Variants in PACRG observed in about 807,000 individuals in gnomAD.
PACRG encodes the protein parkin coregulated.
In PACRG, 29 loss-of-function variants were observed where a neutral mutation model predicts 29.7. The observed-to-expected ratio is 0.98, with a 90% CI of 0.73 to 1.33. PACRG has a LOEUF of 1.33. PACRG is among the 40% of genes most tolerant of loss of function. The pLI is 0.00. For synonymous variants in PACRG, 116 were observed against 118.7 expected, an observed-to-expected ratio of 0.98 and a Z score of 0.15; for missense variants, 279 against 316.2, an observed-to-expected ratio of 0.88 and a Z score of 0.89.
chr6:163,282,712 C>CAAA lies in PACRG; in HGVS notation c.614-32101_614-32099dup, dbSNP rs558182240. On this transcript the variant is annotated intron_variant, in intron 4 of 4. Transcript: ENST00000366888. ...GGGCAACAAGAGTGAAACTCCATCT[C>CAAA]AAAAAAAAAAAAAAAAGAAAAGAAA... 3.3e-5 allele frequency among the ~76,000 whole-genome samples: 3 copies of CAAA among 91,302 alleles called. 1 individual carries two copies. The South Asian group carries it at 1.0e-3, about 31-fold the overall frequency. 59.9% of individuals were successfully genotyped at this position (91,302 alleles called of 152,430 possible). A position where few individuals can be genotyped will look rare whatever the true frequency, so the allele number is the denominator to read the frequency against.
At chr6:162,751,102 A>G (rs897687875) in intron 1 of PACRG, among the ~76,000 whole-genome samples, 1 of 152,142 alleles carries the variant, frequency 6.6e-6, no homozygotes, top group African/African-American at 2.4e-5. Context: ...CAAGCCATAT[A>G]CATTATTTTT....
chr6:162,745,417 G>C (rs1780913358), intron 1 of PACRG, among the ~76,000 whole-genome samples: 1 of 152,068 alleles, frequency 6.6e-6, no homozygotes, highest in Non-Finnish European at 1.5e-5. Flanking sequence ...AGAGCATCAG[G>C]ACAAATAGCT....
intron 1 of PACRG, among the ~76,000 whole-genome samples, chr6:162,759,565 G>A (rs1290540523): frequency 6.6e-6 from 1 of 152,054 alleles, no homozygotes; most frequent in East Asian, 1.9e-4. Flanking sequence ...ATTTTCTTAG[G>A]AATTATTCTC....
chr6:163,311,374 C>A (rs1433437934), intron 4 of PACRG, among the ~76,000 whole-genome samples: 1 of 152,214 alleles, frequency 6.6e-6, no homozygotes, highest in Non-Finnish European at 1.5e-5. Flanking sequence ...ATTGAAGTGT[C>A]ATTTTCCTAA....
At chr6:162,992,180 A>G (rs1438130089) in intron 2 of PACRG, among the ~76,000 whole-genome samples, 2 of 132,236 alleles carry the variant, frequency 1.5e-5, no homozygotes, top group Non-Finnish European at 3.1e-5. Context: ...ATGTTCATCA[A>G]GGATATTGGT....
Position 163,296,896 on chromosome 6 carries a change from T to C in PACRG, c.614-17931T>C, listed in dbSNP as rs114290815. Among the ~76,000 whole-genome samples, 393 of 152,308 alleles carry C rather than the reference T, an allele frequency of 2.6e-3. 2 individuals carry two copies. Among genetic ancestry groups the C allele is most frequent in the African/African-American group, 9.2e-3 (381 of 41,560 alleles). On this transcript the variant is annotated intron_variant, in intron 4 of 4. Transcript: ENST00000366888. Reference sequence around the variant, plus strand: ...TAATGTTATCTCTTCTAACAGGCCATAACTACATAAAGGGACATGAAAAAA... The same window carrying C: ...TAATGTTATCTCTTCTAACAGGCCACAACTACATAAAGGGACATGAAAAAA...
At chr6:163,115,202 A>G (rs1815919682) in intron 4 of PACRG, among the ~76,000 whole-genome samples, 1 of 152,192 alleles carries the variant, frequency 6.6e-6, no homozygotes, top group Non-Finnish European at 1.5e-5. Context: ...CCAGAGACAC[A>G]TGAATAAAGG....
At chr6:163,008,717 C>T (rs956393069) in intron 2 of PACRG, among the ~76,000 whole-genome samples, 2 of 148,974 alleles carry the variant, frequency 1.3e-5, no homozygotes, top group Admixed American at 6.7e-5. Context: ...CCTTTCCCTT[C>T]GTGAAGGCTC....
At chr6:162,999,777 T>G (rs922831944) in intron 2 of PACRG, among the ~76,000 whole-genome samples, 2 of 152,234 alleles carry the variant, frequency 1.3e-5, no homozygotes, top group Non-Finnish European at 2.9e-5. Context: ...CCTCAGCCTT[T>G]CAAAATTTCC....
rs562001835 is a variant in PACRG at position 162,909,554 on chromosome 6, C to CAAAAAA, written c.291+95290_291+95295dup. Among the ~76,000 whole-genome samples, 105 of 70,032 alleles carry CAAAAAA rather than the reference C, an allele frequency of 1.5e-3. 3 individuals are homozygous for CAAAAAA. Among genetic ancestry groups the CAAAAAA allele is most frequent in the African/African-American group, 5.0e-3 (94 of 18,942 alleles). The allele number at this position is 70,032 out of a possible 152,430, so 45.9% of individuals were successfully genotyped here. ...TGGGTGACAGAGCGAGACTCCATCT[C>CAAAAAA]AAAAAAAAAAAAAAAAAAAAAATCA... On this transcript the variant is annotated intron_variant, in intron 2 of 4. Transcript: ENST00000366888.
At chr6:163,006,851 C>T (rs1216369430) in intron 2 of PACRG, among the ~76,000 whole-genome samples, 1 of 151,510 alleles carries the variant, frequency 6.6e-6, no homozygotes, top group African/African-American at 2.4e-5. Context: ...GTATGTTTCT[C>T]GGAGGCAGCT....
At chr6:162,913,985 TG>T (rs1796503397) in intron 2 of PACRG, among the ~76,000 whole-genome samples, 4 of 130,492 alleles carry the variant, frequency 3.1e-5, no homozygotes, top group Admixed American at 2.3e-4. Flanking sequence ...GCTTTGTCTA[TG>T]TGTTTCAAAT....
chr6:163,266,844 C>G (rs1161289150), intron 4 of PACRG, among the ~76,000 whole-genome samples: 1 of 152,140 alleles, frequency 6.6e-6, no homozygotes, highest in East Asian at 1.9e-4. Context: ...ACCGTGGCCA[C>G]AAGATTTGGG....
chr6:163,145,417 A>T (rs1396881024), intron 4 of PACRG, among the ~76,000 whole-genome samples: 1 of 152,206 alleles, frequency 6.6e-6, no homozygotes, highest in Non-Finnish European at 1.5e-5. Context: ...TCAACTGTAA[A>T]TACAATGGGT....
At chr6:163,115,324 G>A (rs1321921946) in intron 4 of PACRG, among the ~76,000 whole-genome samples, 1 of 152,142 alleles carries the variant, frequency 6.6e-6, no homozygotes, top group African/African-American at 2.4e-5. Flanking sequence ...TAGGGGACCA[G>A]TCTGGATCTT....
At chr6:163,095,303 A>C in intron 4 of PACRG, 1 of 985,364 alleles carries the variant, frequency 1.0e-6, no homozygotes, top group East Asian at 1.1e-4. Flanking sequence ...CACAAACTGT[A>C]AATTACGTCT....
At chr6:163,153,758 TGAA>T (rs1778199133) in intron 4 of PACRG, among the ~76,000 whole-genome samples, 1 of 152,168 alleles carries the variant, frequency 6.6e-6, no homozygotes, top group African/African-American at 2.4e-5. Flanking sequence ...GGGAAAAAGA[TGAA>T]GAGGTTTTGA....
chr6:163,010,304 A>T (rs1585000132), intron 2 of PACRG, among the ~76,000 whole-genome samples: 1 of 152,222 alleles, frequency 6.6e-6, no homozygotes, highest in African/African-American at 2.4e-5. Flanking sequence ...ATCCATTTTT[A>T]AAAAAATTTT....
intron 2 of PACRG, among the ~76,000 whole-genome samples, chr6:162,849,380 C>T (rs1790675443): frequency 6.6e-6 from 1 of 152,210 alleles, no homozygotes; most frequent in South Asian, 2.1e-4. Flanking sequence ...ATAGTCAGCT[C>T]CCTGTTTGCT....
Sources: allele counts gnomAD v4.1 joint callset (sites outside exome capture counted in the v4.1 genomes callset), GRCh38; gene constraint gnomAD v4.1.1; transcripts MANE v1.5; gene names NCBI Gene and HGNC (gene_info 2026-07-23, HGNC 2026-07-21).